ENPP3: variants seen among roughly 807,000 people sequenced by gnomAD.
The protein encoded by ENPP3 is ectonucleotide pyrophosphatase/phosphodiesterase 3, also known as ectonucleotide pyrophosphatase/phosphodiesterase family member 3.
ENPP3 carries 104 observed loss-of-function variants against 117.8 expected under a neutral mutation model. That is an observed-to-expected ratio of 0.88 (90% CI 0.75 to 1.04). The LOEUF is 1.04. ENPP3 is among the 50% of genes least tolerant of loss of function. ENPP3 has a pLI of 0.00. For missense variants in ENPP3, 1,026 were observed against 1,051.9 expected (o/e 0.98, Z 0.34); for synonymous variants, 380 against 349.9 (o/e 1.09, Z -0.96).
chr6:131,640,261 T>G (rs747170631), intron 1 of ENPP3, among the ~76,000 whole-genome samples: 9 of 152,220 alleles, frequency 5.9e-5, no homozygotes, highest in Non-Finnish European at 1.5e-5. Context: ...TTTTTCTGCT[T>G]TGTAGTCACT....
At chr6:131,678,014 A>G (rs1169177308) in intron 11 of ENPP3, 74 bp downstream of exon 11, 1 of 850,648 alleles carries the variant, frequency 1.2e-6, no homozygotes, top group Non-Finnish European at 1.9e-6. Context: ...ACAAGATAGT[A>G]TTCTTTAACT....
At chr6:131,681,212 G>A (rs569666275) in intron 11 of ENPP3, among the ~76,000 whole-genome samples, 1 of 152,322 alleles carries the variant, frequency 6.6e-6, no homozygotes, top group Non-Finnish European at 1.5e-5. Context: ...ATAGAGAGTG[G>A]CTTGTGTTCA....
chr6:131,649,995 A>G, intron 2 of ENPP3, 32 bp from the exon 3 acceptor site: 1 of 1,613,260 alleles, frequency 6.2e-7, no homozygotes, highest in Non-Finnish European at 8.5e-7. Flanking sequence ...ATAGCTCCTA[A>G]ATGTTCGGGC....
intron 14 of ENPP3, among the ~76,000 whole-genome samples, 198 bp from the exon 15 acceptor site, chr6:131,693,299 G>T (rs1779329818): frequency 6.7e-6 from 1 of 150,008 alleles, no homozygotes; most frequent in Non-Finnish European, 1.5e-5. Context: ...ATTGCAACCT[G>T]ATTATCATTG....
chr6:131,691,934 G>A (rs1779290720), intron 14 of ENPP3, among the ~76,000 whole-genome samples: 1 of 152,024 alleles, frequency 6.6e-6, no homozygotes, highest in African/African-American at 2.4e-5. Flanking sequence ...TACCAAAATA[G>A]GCAAGAAAAA....
At chr6:131,684,205 G>A (rs548405409) in intron 12 of ENPP3, among the ~76,000 whole-genome samples, 1 of 152,254 alleles carries the variant, frequency 6.6e-6, no homozygotes, top group South Asian at 2.1e-4. Context: ...TGGGGCATGA[G>A]GAAGAAAAAT....
rs1562446822 is a variant in ENPP3, at chr6:131,679,015, TTC to T, written c.1011+1076_1011+1077del. On this transcript the variant is annotated intron_variant, in intron 11 of 24. Coordinates refer to ENST00000357639, the MANE Select transcript of ENPP3 (RefSeq NM_005021.5). ...CTTCCTTCCTTGCTTCCTTCCTTCC[TTC>T]CTTCCTTCCTTCTTTCTTTCTTTCT... is the stretch of plus-strand genomic sequence containing the variant. 1.8e-4 allele frequency among the ~76,000 whole-genome samples: 17 copies of T among 96,234 alleles called. 1 individual carries two copies. Among genetic ancestry groups the T allele is most frequent in the African/African-American group, 7.8e-4 (17 of 21,696 alleles). The allele number at this position is 96,234 out of a possible 152,430, so 63.1% of individuals were successfully genotyped here.
chr6:131,658,418 T>C lies in ENPP3; in HGVS notation c.560T>C (p.Leu187Pro), dbSNP rs372852081. 63 of 1,477,644 alleles carry C rather than the reference T, an allele frequency of 4.3e-5. No homozygotes were observed. Among genetic ancestry groups the C allele is most frequent in the Non-Finnish European group, 6.0e-5 (63 of 1,056,254 alleles). The allele number at this position is 1,477,644 out of a possible 1,614,324, so 91.5% of individuals were successfully genotyped here. The change falls in exon 6 of 25, where the codon CTG becomes CCG. Residue 187 changes from leucine (L) to proline (P), a missense_variant and splice_region_variant. Physicochemically the swap from Leu to Pro is moderately conservative, Grantham distance 98. Transcript: ENST00000357639. Reference sequence around the variant, plus strand: ...ACTTTAATGCCAAATATCAATAAACTGAGTAAGTCTTCTGTAACTAGTGGC... The same window carrying C: ...ACTTTAATGCCAAATATCAATAAACCGAGTAAGTCTTCTGTAACTAGTGGC... ...WDTLMPNINK[L>P]KTCGIHSKYM... is the part of the protein sequence containing the mutation.
chr6:131,733,538 G>C (rs188829983), intron 20 of ENPP3, 50 bp from the exon 21 acceptor site: 1 of 1,588,548 alleles, frequency 6.3e-7, no homozygotes, highest in East Asian at 2.3e-5. Context: ...ATAAGGCAAT[G>C]GGTGAGCCGC....
rs565983229 is a variant in ENPP3, at chr6:131,654,439, C to T, written c.464+1548C>T. On this transcript the variant is annotated intron_variant, in intron 5 of 24. Transcript: ENST00000357639. The stretch of plus-strand genomic sequence containing the variant: ...AACAGGCATGAACTACTGTGCTGGC[C>T]AGTGGAGGCATTTTTTGTTTCAAGA... 3.3e-5 allele frequency among the ~76,000 whole-genome samples: 5 copies of T among 152,170 alleles called. No individual in the cohort carries two copies. The East Asian group carries it at 9.7e-4, about 29-fold the overall frequency.
At chr6:131,742,624 TACAA>T (rs1299075659) in intron 24 of ENPP3, among the ~76,000 whole-genome samples, 1 of 151,884 alleles carries the variant, frequency 6.6e-6, no homozygotes, top group African/African-American at 2.4e-5. Flanking sequence ...ACAACAAAAA[TACAA>T]AGAAACAAAC....
At chr6:131,694,023 A>G (rs966595046) in intron 15 of ENPP3, among the ~76,000 whole-genome samples, 3 of 152,244 alleles carry the variant, frequency 2.0e-5, no homozygotes, top group Non-Finnish European at 2.9e-5. Context: ...AAGAGCACAT[A>G]TAGGGCTGTA....
chr6:131,710,529 T>C, intron 15 of ENPP3: 2 of 1,610,516 alleles, frequency 1.2e-6, no homozygotes, highest in Non-Finnish European at 1.7e-6. Context: ...TCAATTCATC[T>C]TGTTGAGAAT....
At chr6:131,742,108 GGC>G (rs140584363) in intron 24 of ENPP3, among the ~76,000 whole-genome samples, 13,398 of 152,106 alleles carry the variant, frequency 0.088, 761 homozygotes, top group East Asian at 0.22. Context: ...TAAAGAAGGT[GGC>G]CAAGTTTAGA....
intron 23 of ENPP3, among the ~76,000 whole-genome samples, chr6:131,739,213 A>G (rs1209110917): frequency 6.6e-6 from 1 of 152,218 alleles, no homozygotes; most frequent in African/African-American, 2.4e-5. Flanking sequence ...CATGTTCTAA[A>G]TCACAGTAAT....
rs769271216 is a variant in ENPP3 at position 131,722,354 on chromosome 6, T to C, written c.1695T>C (p.Ala565=). Reference sequence around the variant, plus strand: ...CAAAGTTTTCTGTTTGTGGCTTTGCTAATCCATTGCCCACAGAGTCTCTTG... The same window carrying C: ...CAAAGTTTTCTGTTTGTGGCTTTGCCAATCCATTGCCCACAGAGTCTCTTG... ...EVSKFSVCGF[A]NPLPTESLDC... Residue 565 remains alanine, a synonymous_variant, in exon 18 of 25, where the codon GCT becomes GCC. Transcript: ENST00000357639. The C allele has an allele frequency of 5.6e-6, 9 of 1,614,004 alleles. No individual in the cohort carries two copies. The African/African-American group carries it at 8.0e-5, about 14-fold the overall frequency.
Position 131,722,436 on chromosome 6 carries a change from C to T in ENPP3, c.1746+31C>T, listed in dbSNP as rs368633574. 98 of 1,585,130 alleles carry T rather than the reference C, an allele frequency of 6.2e-5. 1 individual carries two copies. The South Asian group carries it at 7.2e-4, about 12-fold the overall frequency. ...TAACAACTTCATGCATCCATAAGAACGTAAAGGGGCAAGCTATTCTTAACC... is the reference window on the plus strand; with the variant it reads ...TAACAACTTCATGCATCCATAAGAATGTAAAGGGGCAAGCTATTCTTAACC... On this transcript the variant is annotated intron_variant, in intron 18 of 24. Transcript: ENST00000357639.
intron 15 of ENPP3, among the ~76,000 whole-genome samples, chr6:131,696,039 T>C (rs781684924): frequency 2.0e-5 from 3 of 152,214 alleles, no homozygotes; most frequent in Non-Finnish European, 4.4e-5. Context: ...ATGTGCATCA[T>C]TTGATAATTA....
intron 22 of ENPP3, 145 bp downstream of exon 22, chr6:131,737,577 G>A (rs1437102372): frequency 1.9e-6 from 1 of 533,742 alleles, no homozygotes; most frequent in East Asian, 3.1e-5. Flanking sequence ...GTATAGGAAG[G>A]ATCCCTCACA....
Sources: allele counts gnomAD v4.1 joint callset (sites outside exome capture counted in the v4.1 genomes callset), GRCh38; gene constraint gnomAD v4.1.1; transcripts MANE v1.5; gene names NCBI Gene and HGNC (gene_info 2026-07-23, HGNC 2026-07-21).